MGMT: variants seen among roughly 807,000 people sequenced by gnomAD.
MGMT encodes methylated-DNA--protein-cysteine methyltransferase.
Under a neutral mutation model 15.9 loss-of-function variants are expected in MGMT, and 14 were observed. That is an observed-to-expected ratio of 0.88 (90% CI 0.58 to 1.37). The LOEUF (loss-of-function observed/expected upper bound fraction) is 1.37. Among genes scored for constraint, MGMT ranks in the 40% most tolerant of loss-of-function variants. The pLI is 0.00. For synonymous variants in MGMT, 130 were observed against 118.2 expected (o/e 1.10, Z -0.65); for missense variants, 282 against 268.1 (o/e 1.05, Z -0.36).
intron 1 of MGMT, among the ~76,000 whole-genome samples, chr10:129,531,517 T>G (rs529333209): frequency 1.2e-4 from 19 of 152,168 alleles, no homozygotes; most frequent in African/African-American, 4.6e-4. Context: ...GCTCGCCCGG[T>G]GTGCACACCT....
rs1846149957 is a variant in MGMT at position 129,550,940 on chromosome 10, G to A, written c.125+14563G>A. ...CCTGAGACCAGAACCCTCTGCCAACGTTGGTAGTGCTGTTTCGGCCTGGAG... is the reference window on the plus strand; with the variant it reads ...CCTGAGACCAGAACCCTCTGCCAACATTGGTAGTGCTGTTTCGGCCTGGAG... On this transcript the variant is annotated intron_variant, in intron 2 of 4. Coordinates refer to ENST00000651593, the MANE Select transcript of MGMT (RefSeq NM_002412.5). Among the ~76,000 whole-genome samples the A allele has an allele frequency of 2.0e-5, 3 of 152,312 alleles. No homozygotes were observed. The South Asian group carries it at 6.2e-4, about 32-fold the overall frequency.
At chr10:129,635,446 G>A (rs1401788922) in intron 2 of MGMT, among the ~76,000 whole-genome samples, 1 of 152,084 alleles carries the variant, frequency 6.6e-6, no homozygotes, top group Non-Finnish European at 1.5e-5. Context: ...TTCTTCCTTG[G>A]TTTTCTGTCA....
chr10:129,526,713 G>T (rs1468726715), intron 1 of MGMT, among the ~76,000 whole-genome samples: 1 of 152,180 alleles, frequency 6.6e-6, no homozygotes. Context: ...AAATGGTTAA[G>T]AGGGAAAGAC....
At chr10:129,730,070 A>G (rs890006130) in intron 3 of MGMT, among the ~76,000 whole-genome samples, 20 of 152,236 alleles carry the variant, frequency 1.3e-4, no homozygotes, top group African/African-American at 4.6e-4. Flanking sequence ...AGCCAGCACG[A>G]CTTCTCCTCC....
At chr10:129,497,616 A>G (rs896745212) in intron 1 of MGMT, among the ~76,000 whole-genome samples, 2 of 152,216 alleles carry the variant, frequency 1.3e-5, no homozygotes, top group Non-Finnish European at 2.9e-5. Flanking sequence ...CGGGTGCACT[A>G]CTGTAAACCT....
At chr10:129,554,379 C>G (rs1846190405) in intron 2 of MGMT, among the ~76,000 whole-genome samples, 1 of 151,970 alleles carries the variant, frequency 6.6e-6, no homozygotes, top group Non-Finnish European at 1.5e-5. Context: ...TTGAATTCTA[C>G]TTAATTTTAT....
chr10:129,607,149 G>T (rs375404280), intron 2 of MGMT, among the ~76,000 whole-genome samples: 75 of 152,188 alleles, frequency 4.9e-4, no homozygotes, highest in South Asian at 1.2e-3. Context: ...TGGAAGTGCA[G>T]TCCGGGCCAG....
chr10:129,608,245 C>T (rs1846916085), intron 2 of MGMT, among the ~76,000 whole-genome samples: 1 of 152,186 alleles, frequency 6.6e-6, no homozygotes, highest in South Asian at 2.1e-4. Flanking sequence ...CTAGTATATA[C>T]ACAGAAGAAT....
At chr10:129,746,776 C>A (rs1848700774) in intron 3 of MGMT, among the ~76,000 whole-genome samples, 2 of 152,164 alleles carry the variant, frequency 1.3e-5, no homozygotes, top group African/African-American at 4.8e-5. Flanking sequence ...AGTGTGATTT[C>A]TCTAACCTTT....
intron 2 of MGMT, among the ~76,000 whole-genome samples, chr10:129,552,515 C>T (rs1846168949): frequency 6.6e-6 from 1 of 152,228 alleles, no homozygotes; most frequent in East Asian, 1.9e-4. Flanking sequence ...AGTACATGTT[C>T]ACGTGAGTGT....
intron 1 of MGMT, among the ~76,000 whole-genome samples, chr10:129,529,177 G>C (rs1175621366): frequency 2.0e-5 from 3 of 152,064 alleles, no homozygotes; most frequent in Admixed American, 2.0e-4. Context: ...CAGTGGCAGG[G>C]GGAGCGGGGG....
intron 2 of MGMT, among the ~76,000 whole-genome samples, chr10:129,551,880 A>T (rs775815456): frequency 2.0e-4 from 30 of 152,014 alleles, no homozygotes; most frequent in Non-Finnish European, 3.7e-4. Context: ...TCCAAGAGTG[A>T]CCCCAGGCCA....
At chr10:129,547,748 G>A (rs1327620223) in intron 2 of MGMT, among the ~76,000 whole-genome samples, 2 of 152,228 alleles carry the variant, frequency 1.3e-5, no homozygotes, top group Non-Finnish European at 2.9e-5. Flanking sequence ...TTCTCTTCGA[G>A]TAACACTGGG....
In MGMT at chr10:129,724,162, G is replaced by A. The variant is rs112376207; in HGVS notation, c.274+16119G>A. Among the ~76,000 whole-genome samples the A allele has an allele frequency of 1.9e-3, 285 of 152,286 alleles. 2 individuals carry two copies. The highest frequency in any genetic ancestry group is 4.6e-3 in the African/African-American group (191 of 41,568). ...CTGTAGGAAAGTGGATAAATTACCT[G>A]AGGGATATCCATGTAGAGCCTGTTC... On this transcript the variant is annotated intron_variant, in intron 3 of 4. Coordinates refer to ENST00000651593, the MANE Select transcript of MGMT (RefSeq NM_002412.5).
At chr10:129,500,255 A>G (rs1845561908) in intron 1 of MGMT, among the ~76,000 whole-genome samples, 1 of 152,178 alleles carries the variant, frequency 6.6e-6, no homozygotes, top group Admixed American at 6.5e-5. Context: ...CCTACCGTAG[A>G]AGCGTGTGCT....
intron 1 of MGMT, among the ~76,000 whole-genome samples, chr10:129,505,510 G>A (rs11016818): frequency 0.16 from 23,693 of 151,978 alleles, 2,564 homozygotes; most frequent in African/African-American, 0.3. Context: ...AATTATCATG[G>A]AGCTCAGATA....
At chr10:129,504,965 A>G (rs1845609897) in intron 1 of MGMT, among the ~76,000 whole-genome samples, 2 of 152,142 alleles carry the variant, frequency 1.3e-5, no homozygotes, top group Non-Finnish European at 2.9e-5. Flanking sequence ...AGTTTGTAGT[A>G]TTAGTGACTT....
intron 1 of MGMT, among the ~76,000 whole-genome samples, chr10:129,474,683 TC>T (rs750929605): frequency 2.6e-5 from 4 of 152,140 alleles, no homozygotes; most frequent in Non-Finnish European, 5.9e-5. Flanking sequence ...AACCTGTACG[TC>T]CTGCAGGAGT....
intron 2 of MGMT, among the ~76,000 whole-genome samples, chr10:129,645,891 A>T (rs765726335): frequency 6.6e-6 from 1 of 152,194 alleles, no homozygotes; most frequent in Non-Finnish European, 1.5e-5. Context: ...CTCATGGGGA[A>T]GTGTCCTCTG....
Sources: gnomAD v4.1 joint callset for allele counts (sites outside exome capture counted in the v4.1 genomes callset) on GRCh38, gnomAD v4.1.1 for gene constraint, MANE v1.5 for transcripts, NCBI Gene and HGNC (gene_info 2026-07-23, HGNC 2026-07-21) for gene names.